TFAP2B: variants seen among roughly 807,000 people sequenced by gnomAD.
TFAP2B encodes the protein transcription factor AP-2 beta, also known as transcription factor AP-2-beta.
TFAP2B carries 9 observed loss-of-function variants against 44.3 expected under a neutral mutation model. The ratio of observed to expected loss-of-function variants is 0.20; its 90% CI spans 0.12 to 0.35. The LOEUF is 0.35. Among genes scored for constraint, TFAP2B ranks in the 10% least tolerant of loss-of-function variants. The pLI, the probability that TFAP2B is intolerant of heterozygous loss-of-function variation, is 1.00. For missense variants in TFAP2B, 509 were observed against 600.0 expected, an observed-to-expected ratio of 0.85 and a Z score of 1.59; for synonymous variants, 270 against 263.8, an observed-to-expected ratio of 1.02 and a Z score of -0.23.
At chr6:50,829,773 T>G (rs79788693) in intron 3 of TFAP2B, among the ~76,000 whole-genome samples, 1,576 of 152,328 alleles carry the variant, frequency 0.01, 19 homozygotes, top group African/African-American at 0.036. Context: ...GAATAAGGAT[T>G]CCAAACAGGG....
chr6:50,823,314 C>A (rs776383328), intron 1 of TFAP2B, 93 bp from the exon 2 acceptor site: 1 of 1,019,856 alleles, frequency 9.8e-7, no homozygotes, highest in Admixed American at 2.2e-5. Context: ...TATTTTTTTT[C>A]TTCCTCTCTG....
chr6:50,838,667 G>C (rs116632058), intron 5 of TFAP2B, among the ~76,000 whole-genome samples: 1,880 of 152,236 alleles, frequency 0.012, 34 homozygotes, highest in African/African-American at 0.043. Context: ...CTTCAATGTA[G>C]ATTCATCAAT....
chr6:50,819,292 C>A (rs1412307868), intron 1 of TFAP2B, among the ~76,000 whole-genome samples: 6 of 149,834 alleles, frequency 4.0e-5, no homozygotes, highest in Non-Finnish European at 8.9e-5. Context: ...AATGTGGGCA[C>A]GCTCTCAGAG....
At chr6:50,823,225 G>T (rs1021280123) in intron 1 of TFAP2B, among the ~76,000 whole-genome samples, 182 bp from the exon 2 acceptor site, 25 of 152,164 alleles carry the variant, frequency 1.6e-4, no homozygotes, top group Admixed American at 5.2e-4. Flanking sequence ...GAGTCAACTT[G>T]GGGGTCTAAG....
At chr6:50,830,695 A>G (rs1770648490) in intron 3 of TFAP2B, among the ~76,000 whole-genome samples, 1 of 152,146 alleles carries the variant, frequency 6.6e-6, no homozygotes, top group African/African-American at 2.4e-5. Context: ...TTTTCTTTAG[A>G]GAGCCATAGG....
chr6:50,843,333 A>C lies in TFAP2B; in HGVS notation c.1324A>C (p.Thr442Pro). 2.5e-6 allele frequency: 4 copies of C among 1,614,194 alleles called. No homozygotes were observed. The highest frequency in any genetic ancestry group is 3.4e-6 in the Non-Finnish European group (4 of 1,180,042). The change falls in exon 7 of 7, where the codon ACG becomes CCG. Residue 442 changes from threonine (T) to proline (P), a missense_variant. This residue lies in a region of TFAP2B where 168 missense variants were observed against 183.2 expected (regional missense o/e 0.92). Transcript: ENST00000393655. ...GAACAACACCACCACTAACAGGCAC[A>C]CGTCTGGGGAAGGCCCAGGTAGTAA... ...FLNNTTTNRHTSGEGPGSKTG... is the reference protein window; with the variant it reads ...FLNNTTTNRHPSGEGPGSKTG...
intron 3 of TFAP2B, among the ~76,000 whole-genome samples, chr6:50,831,904 A>T (rs1180022500): frequency 1.3e-5 from 2 of 152,096 alleles, no homozygotes; most frequent in Non-Finnish European, 2.9e-5. Flanking sequence ...GGTCTTAGGG[A>T]TATCCTGTTT....
At position 50,846,715 on chromosome 6, in the gene TFAP2B, C is replaced by T. The variant is rs1762857129; in HGVS notation, c.*3323C>T. ...TCCTGTTTGGGTGAGGATTCCGTCA[C>T]CTAAAAAGATCTTTAACTTCTCCCC... On this transcript the variant is annotated 3_prime_UTR_variant, in exon 7 of 7. Coordinates refer to ENST00000393655, the MANE Select transcript of TFAP2B (RefSeq NM_003221.4). 1 of 152,250 alleles carries T rather than the reference C, an allele frequency of 6.6e-6. No homozygotes were observed. The highest frequency in any genetic ancestry group is 1.5e-5 in the Non-Finnish European group (1 of 68,054). The allele number at this position is 152,250 out of a possible 1,614,324, so 9.4% of individuals were successfully genotyped here. A position where few individuals can be genotyped will look rare whatever the true frequency, so the allele number is the denominator to read the frequency against.
chr6:50,826,667 G>A (rs1674278586), intron 2 of TFAP2B, among the ~76,000 whole-genome samples: 1 of 151,938 alleles, frequency 6.6e-6, no homozygotes, highest in African/African-American at 2.4e-5. Context: ...GAGACAGAGG[G>A]AGTGAAAGGA....
At chr6:50,818,797 G>C, upstream of TFAP2B, 16 of 1,097,790 alleles carry the variant, frequency 1.5e-5, no homozygotes, top group Non-Finnish European at 2.2e-5. Flanking sequence ...TGGGAGAGGA[G>C]CGTCGGATTT....
intron 4 of TFAP2B, among the ~76,000 whole-genome samples, chr6:50,837,403 T>C (rs953729111): frequency 6.6e-6 from 1 of 152,202 alleles, no homozygotes; most frequent in African/African-American, 2.4e-5. Flanking sequence ...AAATAATCAA[T>C]ATAAAGTGCT....
At chr6:50,818,631 A>G (rs1171640702), upstream of TFAP2B, 1 of 481,396 alleles carries the variant, frequency 2.1e-6, no homozygotes, top group Admixed American at 3.3e-5. Flanking sequence ...TTATATAACT[A>G]TATGTGGGTG....
rs1762703912 is a variant in TFAP2B, at chr6:50,840,449, G to A, written c.1082+152G>A. On this transcript the variant is annotated intron_variant, in intron 6 of 6. Transcript: ENST00000393655. ...TCTGGCAAGCAAGGTAGGCAGAGTT[G>A]ATGGGCTACAGGTTTGTCTCAGGTG... 3 of 952,668 alleles carry A rather than the reference G, an allele frequency of 3.1e-6. No homozygotes were observed. In the South Asian group the frequency reaches 4.1e-5, roughly 13 times the overall value. 59.0% of individuals were successfully genotyped at this position (952,668 alleles called of 1,614,324 possible).
In TFAP2B at chr6:50,823,703, G is replaced by A; in HGVS notation, c.378G>A (p.Arg126=). The part of the protein sequence containing the change: ...SEAGSLLPQP[R]AALPQLSGLD... ...CCGGCTCTCTCCTGCCCCAGCCTCG[G>A]GCCGCCTTGCCCCAGCTCTCGGGCC... Residue 126 remains arginine (R), a synonymous_variant, in exon 2 of 7, where the codon CGG becomes CGA. Coordinates refer to ENST00000393655, the MANE Select transcript of TFAP2B (RefSeq NM_003221.4). 1 of 1,613,454 alleles carries A rather than the reference G, an allele frequency of 6.2e-7. No homozygotes were observed. Among genetic ancestry groups the A allele is most frequent in the Non-Finnish European group, 8.5e-7 (1 of 1,179,744 alleles).
intron 2 of TFAP2B, among the ~76,000 whole-genome samples, chr6:50,824,621 C>A (rs1770453191): frequency 6.6e-6 from 1 of 152,202 alleles, no homozygotes; most frequent in Admixed American, 6.5e-5. Context: ...CCTCTCCTGG[C>A]CTCCGCCTAT....
intron 5 of TFAP2B, among the ~76,000 whole-genome samples, chr6:50,838,855 G>C (rs1183552036): frequency 2.0e-5 from 3 of 152,216 alleles, no homozygotes; most frequent in Non-Finnish European, 2.9e-5. Flanking sequence ...TCCTAATGGA[G>C]GAAGATGCAG....
intron 1 of TFAP2B, chr6:50,822,124 T>C (rs1456422539): frequency 4.6e-6 from 6 of 1,303,920 alleles, no homozygotes; most frequent in African/African-American, 4.6e-5. Context: ...AACCAGGCTT[T>C]TTTTTCCAGA....
At chr6:50,837,889 C>A in intron 4 of TFAP2B, 86 bp from the exon 5 acceptor site, 1 of 1,071,214 alleles carries the variant, frequency 9.3e-7, no homozygotes, top group Non-Finnish European at 1.5e-6. Context: ...CCTCTTCAAG[C>A]TCCACTGGGC....
At chr6:50,822,380 G>C (rs549106767) in intron 1 of TFAP2B, among the ~76,000 whole-genome samples, 81 of 152,132 alleles carry the variant, frequency 5.3e-4, no homozygotes, top group Non-Finnish European at 1.0e-3. Flanking sequence ...AGTCAGCTGG[G>C]AGGGGAGAGG....
Sources: allele counts gnomAD v4.1 joint callset (sites outside exome capture counted in the v4.1 genomes callset), GRCh38; gene constraint gnomAD v4.1.1; regional missense constraint gnomAD v4.1.1; transcripts MANE v1.5; gene names NCBI Gene and HGNC (gene_info 2026-07-23, HGNC 2026-07-21).